Variants in RUVBL2 observed in about 807,000 individuals in gnomAD.
The protein encoded by RUVBL2 is ruvB-like 2.
A neutral mutation model predicts 57.9 loss-of-function variants in RUVBL2; 9 were observed. The ratio of observed to expected loss-of-function variants is 0.16; its 90% CI spans 0.09 to 0.27. The LOEUF (loss-of-function observed/expected upper bound fraction) is 0.27, where lower values mean the gene tolerates loss of function less well. Among genes scored for constraint, RUVBL2 ranks in the 10% least tolerant of loss-of-function variants. RUVBL2 has a pLI of 1.00. For synonymous variants in RUVBL2, 278 were observed against 264.6 expected, an observed-to-expected ratio of 1.05 and a Z score of -0.49; for missense variants, 456 against 669.6, an observed-to-expected ratio of 0.68 and a Z score of 3.52.
intron 8 of RUVBL2, 44 bp from the exon 9 acceptor site, chr19:49,010,444 C>A: frequency 6.2e-7 from 1 of 1,607,374 alleles, no homozygotes; most frequent in South Asian, 1.1e-5. Context: ...TCATGCCCTT[C>A]CCTGCCCTGT....
At chr19:48,998,963 G>T (rs367591752) in intron 1 of RUVBL2, among the ~76,000 whole-genome samples, 102 of 152,054 alleles carry the variant, frequency 6.7e-4, no homozygotes, top group Admixed American at 1.1e-3. Context: ...GGAGGCGGAG[G>T]TTGCAGTGAG....
At chr19:49,007,414 C>G in intron 6 of RUVBL2, 46 bp downstream of exon 6, 2 of 1,561,150 alleles carry the variant, frequency 1.3e-6, no homozygotes, top group Non-Finnish European at 1.8e-6. Context: ...CCTCCAGCGC[C>G]AGGGTTGGAG....
intron 12 of RUVBL2, 134 bp from the exon 13 acceptor site, chr19:49,014,887 C>T: frequency 7.6e-7 from 1 of 1,309,460 alleles, no homozygotes; most frequent in Non-Finnish European, 1.0e-6. Context: ...CTTCTAGCCT[C>T]AGCATTCTAT....
At chr19:49,009,682 C>A in intron 6 of RUVBL2, 94 bp from the exon 7 acceptor site, 1 of 1,079,836 alleles carries the variant, frequency 9.3e-7, no homozygotes, top group Non-Finnish European at 1.4e-6. Flanking sequence ...GAAGCAGAGG[C>A]CAGAGCAGAG....
chr19:49,002,402 G>C (rs534735604), intron 2 of RUVBL2, among the ~76,000 whole-genome samples: 1 of 152,128 alleles, frequency 6.6e-6, no homozygotes, highest in African/African-American at 2.4e-5. Flanking sequence ...GCTGAGGTTT[G>C]CTCAACCCTC....
In RUVBL2 at chr19:48,993,942, A is replaced by G. The variant is rs778370550; in HGVS notation, c.12+19A>G. ...AACCGTTGTAAGTGTGGGTGCATGG[A>G]GGGTGAGGAGCGAGCTAGCAGTCTC... is the stretch of plus-strand genomic sequence containing the variant. On this transcript the variant is annotated intron_variant, in intron 1 of 14. Transcript: ENST00000595090. 3.1e-5 allele frequency: 50 copies of G among 1,613,218 alleles called. 2 individuals are homozygous for G. The South Asian group carries it at 4.2e-4, about 13-fold the overall frequency.
chr19:49,000,017 C>G (rs2039147842), intron 2 of RUVBL2, among the ~76,000 whole-genome samples: 1 of 152,122 alleles, frequency 6.6e-6, no homozygotes, highest in Admixed American at 6.6e-5. Context: ...TTCAGGGCAT[C>G]CGAGAAAGGC....
chr19:49,000,879 C>T (rs549441974), intron 2 of RUVBL2, among the ~76,000 whole-genome samples: 7 of 150,166 alleles, frequency 4.7e-5, no homozygotes, highest in African/African-American at 7.4e-5. Context: ...CAAGTATGGC[C>T]GGGCATGATG....
intron 6 of RUVBL2, among the ~76,000 whole-genome samples, chr19:49,009,043 C>A (rs2122629955): frequency 6.6e-6 from 1 of 151,568 alleles, no homozygotes; most frequent in South Asian, 2.1e-4. Context: ...CATCTGTAAT[C>A]CCAGCTACTT....
intron 1 of RUVBL2, among the ~76,000 whole-genome samples, chr19:48,998,923 G>T (rs1216260008): frequency 6.6e-6 from 1 of 150,606 alleles, no homozygotes; most frequent in East Asian, 2.0e-4. Flanking sequence ...AGCTAGTCAG[G>T]AGGCTGAGGC....
chr19:49,013,026 C>T (rs563179078), intron 11 of RUVBL2, among the ~76,000 whole-genome samples: 117 of 152,324 alleles, frequency 7.7e-4, no homozygotes, highest in African/African-American at 2.6e-3. Flanking sequence ...TGCAGTGGCA[C>T]GATCTCGGCT....
Position 49,011,829 on chromosome 19 carries a change from A to T in RUVBL2, c.1001+519A>T, listed in dbSNP as rs73579798. 1.5e-3 allele frequency among the ~76,000 whole-genome samples: 184 copies of T among 120,028 alleles called. 2 individuals carry two copies. The highest frequency in any genetic ancestry group is 2.9e-3 in the Admixed American group (29 of 10,166). 78.7% of individuals were successfully genotyped at this position (120,028 alleles called of 152,430 possible). A position where few individuals can be genotyped will look rare whatever the true frequency, so the allele number is the denominator to read the frequency against. ...GTTGCCAGCACCCTGTGCACGGGGAACTCTTAATGTTGTGTTTGGCCTGAG... is the reference window on the plus strand; with the variant it reads ...GTTGCCAGCACCCTGTGCACGGGGATCTCTTAATGTTGTGTTTGGCCTGAG... On this transcript the variant is annotated intron_variant, in intron 11 of 14. Transcript: ENST00000595090. This position sits in a 1 kb window ranked among gnomAD's most constrained non-coding sequence, Gnocchi z 4.4.
Position 49,009,762 on chromosome 19 carries a change from G to A in RUVBL2, c.463-14G>A. ...CCTCTCTGAGCCCCATCCCTGGCTT[G>A]TCCCCACTCTCAGGGCTCCAAGGTG... On this transcript the variant is annotated splice_polypyrimidine_tract_variant and intron_variant, in intron 6 of 14. Transcript: ENST00000595090. 6.2e-7 allele frequency: 1 copy of A among 1,611,488 alleles called. No homozygotes were observed. The highest frequency in any genetic ancestry group is 8.5e-7 in the Non-Finnish European group (1 of 1,177,766).
intron 12 of RUVBL2, 84 bp from the exon 13 acceptor site, chr19:49,014,937 G>A (rs936619214): frequency 6.7e-7 from 1 of 1,495,846 alleles, no homozygotes; most frequent in African/African-American, 1.4e-5. Flanking sequence ...CAGTGGGGAA[G>A]GGCCAGAGGG....
chr19:49,010,151 T>TG, intron 8 of RUVBL2, 85 bp downstream of exon 8: 1 of 1,194,534 alleles, frequency 8.4e-7, no homozygotes, highest in Non-Finnish European at 1.2e-6. Flanking sequence ...CCATGGGGTC[T>TG]GGATCTTCCT....
At chr19:48,999,935 C>T (rs1251389851) in intron 2 of RUVBL2, among the ~76,000 whole-genome samples, 10 of 152,220 alleles carry the variant, frequency 6.6e-5, no homozygotes, top group African/African-American at 2.4e-4. Context: ...GTGAGGCCAG[C>T]AGGGTGCGCT....
chr19:49,002,223 A>G (rs1015370303), intron 2 of RUVBL2, among the ~76,000 whole-genome samples: 1 of 151,242 alleles, frequency 6.6e-6, no homozygotes, highest in Non-Finnish European at 1.5e-5. Context: ...TAATTTTTGT[A>G]TTTTTTAGTA....
intron 1 of RUVBL2, among the ~76,000 whole-genome samples, chr19:48,996,368 C>G (rs2039060073): frequency 2.0e-5 from 3 of 152,076 alleles, no homozygotes; most frequent in Admixed American, 2.0e-4. Context: ...GTCTCCCAGG[C>G]TGGAGTGCAG....
chr19:49,012,747 C>T (rs984154952), intron 11 of RUVBL2, among the ~76,000 whole-genome samples: 9 of 152,000 alleles, frequency 5.9e-5, no homozygotes, highest in Admixed American at 5.2e-4. Flanking sequence ...TTTAGTGCTA[C>T]GTTTGTCACT....
Sources: gnomAD v4.1 joint callset for allele counts (sites outside exome capture counted in the v4.1 genomes callset) on GRCh38, gnomAD v4.1.1 for gene constraint, Gnocchi (gnomAD v3.1) non-coding constraint, MANE v1.5 for transcripts, NCBI Gene and HGNC (gene_info 2026-07-23, HGNC 2026-07-21) for gene names.